Variants in ADISSP observed in about 807,000 individuals in gnomAD.
The protein encoded by ADISSP is adipose-secreted signaling protein.
chr20:3,765,886 CG>C, the ADISSP span, among the ~76,000 whole-genome samples: 5 of 151,902 alleles, frequency 3.3e-5, no homozygotes, highest in Non-Finnish European at 7.4e-5. Context: ...GGTGCCTCCC[CG>C]CCAGCAAAAA....
the ADISSP span, among the ~76,000 whole-genome samples, chr20:3,754,761 G>A: frequency 6.6e-6 from 1 of 152,224 alleles, no homozygotes; most frequent in Non-Finnish European, 1.5e-5. Flanking sequence ...ACCCCAATGT[G>A]GCTCCAAGAG....
At chr20:3,754,463 T>C in the ADISSP span, 1 of 1,614,062 alleles carries the variant, frequency 6.2e-7, no homozygotes, top group Non-Finnish European at 8.5e-7. Flanking sequence ...GCTAGCAGTA[T>C]CTCCTCTTTG....
chr20:3,759,911 T>G, the ADISSP span: 1 of 1,166,942 alleles, frequency 8.6e-7, no homozygotes, highest in Non-Finnish European at 1.3e-6. This position sits in a 1 kb window ranked among gnomAD's most constrained non-coding sequence, Gnocchi z 4.6. Flanking sequence ...CCCCAGAACC[T>G]GGCACAAACA....
chr20:3,759,404 G>A, the ADISSP span, among the ~76,000 whole-genome samples: 1 of 152,318 alleles, frequency 6.6e-6, no homozygotes, highest in Middle Eastern at 3.4e-3. The surrounding 1 kb of genome is among the most constrained non-coding windows in gnomAD (Gnocchi z 4.6). Flanking sequence ...AGGGCAGACG[G>A]ATGAGACAGG....
the ADISSP span, among the ~76,000 whole-genome samples, chr20:3,763,124 T>TGC: frequency 9.4e-5 from 14 of 148,916 alleles, no homozygotes; most frequent in Admixed American, 8.7e-4. Context: ...GGCATGGTGG[T>TGC]GTGCACCTGT....
chr20:3,754,171 G>T, the ADISSP span: 1 of 1,599,272 alleles, frequency 6.3e-7, no homozygotes, highest in Non-Finnish European at 8.5e-7. Context: ...GCAAGGCAGG[G>T]TGCAAGTCAG....
the ADISSP span, among the ~76,000 whole-genome samples, chr20:3,765,481 C>T: frequency 2.4e-4 from 37 of 152,348 alleles, no homozygotes; most frequent in African/African-American, 7.9e-4. Flanking sequence ...AAGCAGTGGC[C>T]TCTTCCTTCC....
chr20:3,762,071 A>G, the ADISSP span, among the ~76,000 whole-genome samples: 1 of 152,178 alleles, frequency 6.6e-6, no homozygotes, highest in Non-Finnish European at 1.5e-5. Flanking sequence ...AAGGAGTTCA[A>G]GACCAGCCTG....
At chr20:3,757,402 T>C in the ADISSP span, among the ~76,000 whole-genome samples, 1 of 152,116 alleles carries the variant, frequency 6.6e-6, no homozygotes, top group African/African-American at 2.4e-5. Context: ...CATGGTTATT[T>C]TGGGATAGTA....
At chr20:3,764,826 C>A in the ADISSP span, among the ~76,000 whole-genome samples, 4 of 152,258 alleles carry the variant, frequency 2.6e-5, no homozygotes, top group Non-Finnish European at 5.9e-5. Context: ...GCACTGGGGG[C>A]TCTGAGGAAG....
chr20:3,756,428 G>A, the ADISSP span, among the ~76,000 whole-genome samples: 2 of 104,742 alleles, frequency 1.9e-5, no homozygotes, highest in Non-Finnish European at 4.5e-5. Flanking sequence ...GCTGAGCAGG[G>A]GGGCTGGTGG....
chr20:3,763,255 C>CAAA, the ADISSP span, among the ~76,000 whole-genome samples: 3,340 of 48,634 alleles, frequency 0.069, 144 homozygotes, highest in East Asian at 0.14. Flanking sequence ...GACTCTGTCT[C>CAAA]AAAAAAAAAA....
chr20:3,756,805 G>A, the ADISSP span, among the ~76,000 whole-genome samples: 15 of 152,244 alleles, frequency 9.9e-5, no homozygotes, highest in East Asian at 9.6e-4. Flanking sequence ...AAAAACAGCC[G>A]TAACACCCAG....
chr20:3,754,598 C>G, the ADISSP span: 2 of 1,462,526 alleles, frequency 1.4e-6, no homozygotes, highest in Non-Finnish European at 9.5e-7. Flanking sequence ...GGGCCCCTAC[C>G]CACCACCATG....
Sources: allele counts gnomAD v4.1 joint callset (sites outside exome capture counted in the v4.1 genomes callset), GRCh38; gene constraint gnomAD v4.1.1; non-coding constraint Gnocchi (gnomAD v3.1); transcripts MANE v1.5; gene names NCBI Gene and HGNC (gene_info 2026-07-23, HGNC 2026-07-21).